The following CATSPERB variants were observed in gnomAD, a reference collection of about 807,000 sequenced individuals.
CATSPERB encodes the protein cation channel sperm-associated auxiliary subunit beta.
In CATSPERB, 93 loss-of-function variants were observed where a neutral mutation model predicts 128.3. That is an observed-to-expected ratio of 0.72 (90% CI 0.61 to 0.86). The LOEUF (loss-of-function observed/expected upper bound fraction) is 0.86, where lower values mean the gene tolerates loss of function less well. CATSPERB is among the 40% of genes least tolerant of loss of function. The probability of loss-of-function intolerance (pLI) is 0.00; values close to 1 mark genes in which losing one functional copy is unlikely to be tolerated. For synonymous variants in CATSPERB, 381 were observed against 448.8 expected, an observed-to-expected ratio of 0.85 and a Z score of 1.91; for missense variants, 1,153 against 1,329.5, an observed-to-expected ratio of 0.87 and a Z score of 2.06.
chr14:91,665,148 A>G (rs1252622492), intron 14 of CATSPERB, among the ~76,000 whole-genome samples: 1 of 152,032 alleles, frequency 6.6e-6, no homozygotes, highest in Admixed American at 6.5e-5. Flanking sequence ...TCACCTTGAC[A>G]TCCCAAAGTG....
At chr14:91,634,868 G>A (rs72629399) in intron 17 of CATSPERB, among the ~76,000 whole-genome samples, 12,387 of 149,900 alleles carry the variant, frequency 0.083, 667 homozygotes, top group South Asian at 0.26. Flanking sequence ...TTGGAGACAA[G>A]GTTAATATCT....
intron 22 of CATSPERB, among the ~76,000 whole-genome samples, chr14:91,595,137 C>A (rs1893480610): frequency 6.6e-6 from 1 of 152,038 alleles, no homozygotes; most frequent in African/African-American, 2.4e-5. Context: ...TCCAGTTTCC[C>A]ATTTTTACTA....
At chr14:91,644,248 T>A (rs1331682572) in intron 15 of CATSPERB, among the ~76,000 whole-genome samples, 1 of 112,944 alleles carries the variant, frequency 8.9e-6, no homozygotes, top group Non-Finnish European at 1.9e-5. Context: ...TTTGATCCTG[T>A]TATTATGATG....
intron 14 of CATSPERB, among the ~76,000 whole-genome samples, chr14:91,666,785 G>T (rs941168650): frequency 6.6e-6 from 1 of 152,162 alleles, no homozygotes; most frequent in Non-Finnish European, 1.5e-5. Context: ...ACTCCTTGAG[G>T]GACTGGTGCT....
At chr14:91,672,011 C>T (rs896799918) in intron 13 of CATSPERB, among the ~76,000 whole-genome samples, 6 of 144,428 alleles carry the variant, frequency 4.2e-5, no homozygotes, top group African/African-American at 5.3e-5. Context: ...CAGAGGGAGA[C>T]TCTGTCTCAA....
chr14:91,633,958 A>G (rs1168597738), intron 17 of CATSPERB, among the ~76,000 whole-genome samples: 1 of 152,106 alleles, frequency 6.6e-6, no homozygotes, highest in East Asian at 1.9e-4. Context: ...TAATATGCTA[A>G]GAAACATTAA....
At chr14:91,678,590 G>T (rs1895229594) in intron 11 of CATSPERB, among the ~76,000 whole-genome samples, 1 of 152,126 alleles carries the variant, frequency 6.6e-6, no homozygotes, top group Non-Finnish European at 1.5e-5. Context: ...AGCTCTTCAA[G>T]TGCACATGCA....
intron 15 of CATSPERB, among the ~76,000 whole-genome samples, chr14:91,651,361 C>A (rs532453289): frequency 6.6e-6 from 1 of 152,172 alleles, no homozygotes; most frequent in Non-Finnish European, 1.5e-5. Flanking sequence ...TCTTATCCCC[C>A]CTCTAAGCAA....
At chr14:91,656,565 C>G (rs1480414415) in intron 15 of CATSPERB, among the ~76,000 whole-genome samples, 1 of 151,840 alleles carries the variant, frequency 6.6e-6, no homozygotes, top group African/African-American at 2.4e-5. Context: ...AAATTGCCTT[C>G]ACTAAAAGGA....
intron 22 of CATSPERB, among the ~76,000 whole-genome samples, chr14:91,601,250 G>A (rs1006086760): frequency 1.3e-5 from 2 of 152,168 alleles, no homozygotes; most frequent in Non-Finnish European, 2.9e-5. Flanking sequence ...GCCATTGAAA[G>A]TGATCTTTTT....
At chr14:91,726,007 C>T (rs934185023) in intron 2 of CATSPERB, among the ~76,000 whole-genome samples, 3 of 152,134 alleles carry the variant, frequency 2.0e-5, no homozygotes, top group African/African-American at 7.2e-5. Flanking sequence ...AGAGGAGCTC[C>T]TCTGGGGATG....
At position 91,588,068 on chromosome 14, in the gene CATSPERB, C is replaced by A. The variant is rs1207227553; in HGVS notation, c.2967G>T (p.Val989=). The change falls in exon 25 of 27, where the codon GTG becomes GTT. Residue 989 remains valine (V), a synonymous_variant. Transcript: ENST00000256343. ...GTTTCATTCTTTTAATATTTTCTGGCACAGTGTGTTCTAAAAATACATAAA... is the reference window on the plus strand; with the variant it reads ...GTTTCATTCTTTTAATATTTTCTGGAACAGTGTGTTCTAAAAATACATAAA... ...MRHNWKLKHT[V]PENIKRMKQL... 15 of 1,599,704 alleles carry A rather than the reference C, an allele frequency of 9.4e-6. No homozygotes were observed. Among genetic ancestry groups the A allele is most frequent in the Non-Finnish European group, 1.3e-5 (15 of 1,168,430 alleles).
chr14:91,674,084 G>A (rs1285655), intron 12 of CATSPERB, 92 bp downstream of exon 12: 208,257 of 727,722 alleles, frequency 0.29, 30,848 homozygotes, highest in East Asian at 0.29. Context: ...CTTTCAGTCT[G>A]TAGAATTGCC....
intron 22 of CATSPERB, among the ~76,000 whole-genome samples, chr14:91,607,178 T>C (rs1246123138): frequency 6.6e-6 from 1 of 151,338 alleles, no homozygotes; most frequent in Non-Finnish European, 1.5e-5. Flanking sequence ...GGGGATATAG[T>C]AGAGAAGAAA....
At chr14:91,639,031 T>C in intron 16 of CATSPERB, 65 bp downstream of exon 16, 10 of 1,354,746 alleles carry the variant, frequency 7.4e-6, no homozygotes, top group Non-Finnish European at 1.0e-5. Flanking sequence ...CCCATTATTC[T>C]ATGTATTGAA....
intron 10 of CATSPERB, among the ~76,000 whole-genome samples, chr14:91,686,023 T>C (rs1332092663): frequency 2.0e-5 from 3 of 152,164 alleles, no homozygotes; most frequent in Non-Finnish European, 4.4e-5. Context: ...TTATACTTCC[T>C]ATTACCTTTG....
rs1006687543 is a variant in CATSPERB at position 91,703,281 on chromosome 14, C to T, written c.616+1271G>A. Among the ~76,000 whole-genome samples, 4 of 151,948 alleles carry T rather than the reference C, an allele frequency of 2.6e-5. No homozygotes were observed. The South Asian group carries it at 8.3e-4, about 31-fold the overall frequency. Reference sequence around the variant, plus strand: ...TGATATTGTGATATAACGAGAAATACGTATTTGGTTTTCGTCCCTGGCTCC... The same window carrying T: ...TGATATTGTGATATAACGAGAAATATGTATTTGGTTTTCGTCCCTGGCTCC... On this transcript the variant is annotated intron_variant, in intron 7 of 26. Coordinates refer to ENST00000256343, the MANE Select transcript of CATSPERB (RefSeq NM_024764.4).
intron 7 of CATSPERB, among the ~76,000 whole-genome samples, chr14:91,698,555 G>A (rs1405460835): frequency 6.6e-6 from 1 of 152,112 alleles, no homozygotes; most frequent in African/African-American, 2.4e-5. Flanking sequence ...CTATTATTTT[G>A]AGGTATGTTC....
chr14:91,641,166 T>C (rs1216031931), intron 15 of CATSPERB, among the ~76,000 whole-genome samples: 1 of 148,612 alleles, frequency 6.7e-6, no homozygotes, highest in Admixed American at 6.7e-5. Flanking sequence ...GTTGTGAAAA[T>C]TTTCTCCCAT....
Sources: gnomAD v4.1 joint callset for allele counts (sites outside exome capture counted in the v4.1 genomes callset) on GRCh38, gnomAD v4.1.1 for gene constraint, MANE v1.5 for transcripts, NCBI Gene and HGNC (gene_info 2026-07-23, HGNC 2026-07-21) for gene names.